PTPRZ1: variants seen among roughly 807,000 people sequenced by gnomAD.
PTPRZ1 encodes the protein protein tyrosine phosphatase receptor type Z1, also known as receptor-type tyrosine-protein phosphatase zeta.
Under a neutral mutation model 214.1 loss-of-function variants are expected in PTPRZ1, and 82 were observed. The ratio of observed to expected loss-of-function variants is 0.38; its 90% CI spans 0.32 to 0.46. PTPRZ1 has a LOEUF of 0.46. Ranked by LOEUF, PTPRZ1 falls within the 20% of genes least tolerant of loss-of-function variation. The pLI is 1.00. For synonymous variants in PTPRZ1, 945 were observed against 987.9 expected (o/e 0.96, Z 0.81); for missense variants, 2,603 against 2,748.7 (o/e 0.95, Z 1.19).
intron 1 of PTPRZ1, among the ~76,000 whole-genome samples, chr7:121,920,074 T>C (rs1795545947): frequency 6.6e-6 from 1 of 152,216 alleles, no homozygotes; most frequent in Non-Finnish European, 1.5e-5. Flanking sequence ...TAAAAATAGT[T>C]CATATCTTTG....
chr7:121,921,147 C>CA (rs1795586546), intron 1 of PTPRZ1, among the ~76,000 whole-genome samples: 2 of 150,916 alleles, frequency 1.3e-5, no homozygotes. Flanking sequence ...TATGTTTTAA[C>CA]AAAAAATAAC....
chr7:121,920,580 T>C (rs1324813185), intron 1 of PTPRZ1, among the ~76,000 whole-genome samples: 1 of 152,198 alleles, frequency 6.6e-6, no homozygotes, highest in Non-Finnish European at 1.5e-5. Flanking sequence ...TTCACTGTTA[T>C]AGACATAAAA....
chr7:121,992,820 A>G (rs1798011944), intron 8 of PTPRZ1, among the ~76,000 whole-genome samples: 1 of 152,212 alleles, frequency 6.6e-6, no homozygotes, highest in African/African-American at 2.4e-5. Context: ...TAAAGCAAGA[A>G]CATGTATAGC....
At chr7:121,985,344 A>G (rs535486348) in intron 8 of PTPRZ1, among the ~76,000 whole-genome samples, 19 of 152,316 alleles carry the variant, frequency 1.2e-4, no homozygotes, top group African/African-American at 3.4e-4. Context: ...AATTAAATAA[A>G]TATGATTTTT....
chr7:122,004,483 A>G, intron 10 of PTPRZ1, 131 bp from the exon 11 acceptor site: 1 of 571,154 alleles, frequency 1.8e-6, no homozygotes. Flanking sequence ...TATTGTGAGA[A>G]AGTCTGTATT....
At chr7:122,040,541 A>C (rs1799692284) in intron 20 of PTPRZ1, among the ~76,000 whole-genome samples, 1 of 152,208 alleles carries the variant, frequency 6.6e-6, no homozygotes, top group Admixed American at 6.5e-5. Context: ...TTACATGTTA[A>C]TCACATCTAA....
At chr7:122,034,245 ATG>A in intron 16 of PTPRZ1, 35 bp from the exon 17 acceptor site, 1 of 1,590,124 alleles carries the variant, frequency 6.3e-7, no homozygotes, top group Non-Finnish European at 8.6e-7. Context: ...GTTTGAAAGA[ATG>A]TGTGTTAAAA....
intron 13 of PTPRZ1, among the ~76,000 whole-genome samples, chr7:122,019,515 G>C (rs567328419): frequency 3.9e-5 from 6 of 152,180 alleles, no homozygotes; most frequent in African/African-American, 1.4e-4. Context: ...TTTGACAGTT[G>C]TACTTTCATG....
At chr7:121,960,233 G>A (rs971789938) in intron 2 of PTPRZ1, among the ~76,000 whole-genome samples, 2 of 152,054 alleles carry the variant, frequency 1.3e-5, no homozygotes, top group Non-Finnish European at 2.9e-5. Flanking sequence ...TACAGATGGG[G>A]TTTCACTATG....
At chr7:122,034,828 G>A (rs1305885968) in intron 17 of PTPRZ1, among the ~76,000 whole-genome samples, 2 of 151,926 alleles carry the variant, frequency 1.3e-5, no homozygotes, top group South Asian at 2.1e-4. Context: ...GTCTTATAAA[G>A]AATTAGTTGG....
intron 2 of PTPRZ1, among the ~76,000 whole-genome samples, chr7:121,928,853 G>A (rs962326529): frequency 2.6e-5 from 4 of 152,220 alleles, no homozygotes; most frequent in Non-Finnish European, 5.9e-5. Context: ...GGGAGAGAAA[G>A]TTCTAGCCCT....
chr7:122,061,270 T>G lies in PTPRZ1; in HGVS notation c.*50T>G. ...CATCTGAGCATTGTTTTCCTCTTCC[T>G]AAAATTAGGCAGGAAAATCAGTCTA... is the stretch of plus-strand genomic sequence containing the variant. On this transcript the variant is annotated 3_prime_UTR_variant, in exon 30 of 30. Transcript: ENST00000393386. 6.9e-7 allele frequency: 1 copy of G among 1,448,500 alleles called. No homozygotes were observed. The highest frequency in any genetic ancestry group is 9.3e-7 in the Non-Finnish European group (1 of 1,078,338). The allele number at this position is 1,448,500 out of a possible 1,614,324, so 89.7% of individuals were successfully genotyped here.
At chr7:121,959,395 G>A (rs1455231669) in intron 2 of PTPRZ1, among the ~76,000 whole-genome samples, 4 of 152,256 alleles carry the variant, frequency 2.6e-5, no homozygotes, top group East Asian at 3.9e-4. Flanking sequence ...TATAATCAAC[G>A]TTGGGCAACT....
At chr7:122,002,330 C>T (rs1157139561) in intron 10 of PTPRZ1, among the ~76,000 whole-genome samples, 1 of 152,172 alleles carries the variant, frequency 6.6e-6, no homozygotes, top group Non-Finnish European at 1.5e-5. Flanking sequence ...TGTGCTAACA[C>T]TTGGGGGTGC....
intron 1 of PTPRZ1, among the ~76,000 whole-genome samples, chr7:121,915,082 G>A (rs758423832): frequency 2.6e-5 from 4 of 152,096 alleles, no homozygotes; most frequent in African/African-American, 7.2e-5. Context: ...GAGCACCGCC[G>A]TATACTGCAC....
intron 23 of PTPRZ1, among the ~76,000 whole-genome samples, chr7:122,051,151 A>G (rs910726106): frequency 6.6e-6 from 1 of 152,228 alleles, no homozygotes; most frequent in African/African-American, 2.4e-5. Flanking sequence ...TTGCACATCT[A>G]TAGTGGAAGC....
intron 2 of PTPRZ1, among the ~76,000 whole-genome samples, chr7:121,934,257 G>A (rs1796007383): frequency 6.6e-6 from 1 of 152,022 alleles, no homozygotes; most frequent in Non-Finnish European, 1.5e-5. Flanking sequence ...GACAAGAACC[G>A]TAGCTTCGTG....
intron 11 of PTPRZ1, among the ~76,000 whole-genome samples, chr7:122,006,169 A>G (rs1355047365): frequency 6.6e-6 from 1 of 152,108 alleles, no homozygotes; most frequent in East Asian, 1.9e-4. Context: ...ACTTCTACAT[A>G]TTTATGAGGT....
At chr7:121,978,955 C>T (rs1797522190) in intron 6 of PTPRZ1, among the ~76,000 whole-genome samples, 1 of 152,100 alleles carries the variant, frequency 6.6e-6, no homozygotes. Flanking sequence ...GGCAATCAGA[C>T]ATTGCTGCTG....
Sources: gnomAD v4.1 joint callset for allele counts (sites outside exome capture counted in the v4.1 genomes callset) on GRCh38, gnomAD v4.1.1 for gene constraint, MANE v1.5 for transcripts, NCBI Gene and HGNC (gene_info 2026-07-23, HGNC 2026-07-21) for gene names.